NEK10: variants seen among roughly 807,000 people sequenced by gnomAD.
NEK10 encodes the protein NIMA related kinase 10.
Under a neutral mutation model 159.8 loss-of-function variants are expected in NEK10, and 122 were observed. That is an observed-to-expected ratio of 0.76 (90% CI 0.66 to 0.89). The LOEUF is 0.89. Ranked by LOEUF, NEK10 falls within the 40% of genes least tolerant of loss-of-function variation. The pLI is 0.00. For synonymous variants in NEK10, 466 were observed against 457.1 expected, an observed-to-expected ratio of 1.02 and a Z score of -0.25; for missense variants, 1,342 against 1,323.1, an observed-to-expected ratio of 1.01 and a Z score of -0.22.
At chr3:27,174,380 T>C in intron 28 of NEK10, 59 bp downstream of exon 28, 1 of 1,602,328 alleles carries the variant, frequency 6.2e-7, no homozygotes. Context: ...TCAAGTATGA[T>C]TTCCAAACCA....
chr3:27,278,770 C>A, intron 22 of NEK10: 1 of 985,258 alleles, frequency 1.0e-6, no homozygotes, highest in Non-Finnish European at 1.2e-6. Context: ...GTCAAGAAAT[C>A]TGGAATGGTG....
intron 23 of NEK10, among the ~76,000 whole-genome samples, chr3:27,224,832 C>G (rs1247265643): frequency 1.3e-5 from 2 of 152,042 alleles, no homozygotes; most frequent in Non-Finnish European, 2.9e-5. Context: ...TCTCATAGGA[C>G]CACCAAAAGT....
intron 23 of NEK10, among the ~76,000 whole-genome samples, chr3:27,248,366 A>G (rs1361569994): frequency 1.3e-5 from 2 of 151,690 alleles, no homozygotes; most frequent in Non-Finnish European, 2.9e-5. Flanking sequence ...TTGCTTTTAT[A>G]TCTGCTCTTT....
intron 30 of NEK10, among the ~76,000 whole-genome samples, chr3:27,145,625 A>C (rs891387968): frequency 6.6e-6 from 1 of 152,082 alleles, no homozygotes; most frequent in Non-Finnish European, 1.5e-5. Flanking sequence ...TGGGTGAGAA[A>C]CTGGGAGGTG....
chr3:27,138,507 T>C (rs1943453590), intron 31 of NEK10, among the ~76,000 whole-genome samples: 1 of 152,232 alleles, frequency 6.6e-6, no homozygotes, highest in South Asian at 2.1e-4. Context: ...GTGACTTCTT[T>C]TTGTGCTCTT....
chr3:27,159,180 G>A (rs1483603865), intron 30 of NEK10, among the ~76,000 whole-genome samples: 3 of 152,050 alleles, frequency 2.0e-5, no homozygotes, highest in Admixed American at 6.6e-5. Flanking sequence ...TTTCAGTATC[G>A]TGCAAGTATG....
intron 30 of NEK10, among the ~76,000 whole-genome samples, chr3:27,153,306 C>G (rs185666397): frequency 7.1e-6 from 1 of 141,754 alleles, no homozygotes; most frequent in Non-Finnish European, 1.5e-5. Flanking sequence ...GGCGACAGAG[C>G]GAGACTCCAT....
intron 10 of NEK10, 24 bp from the exon 11 acceptor site, chr3:27,307,969 A>T: frequency 8.8e-7 from 1 of 1,133,544 alleles, no homozygotes. Context: ...AATATTAGCA[A>T]TTACTAAAAG....
At chr3:27,214,202 C>T (rs1350516344) in intron 23 of NEK10, among the ~76,000 whole-genome samples, 1 of 152,184 alleles carries the variant, frequency 6.6e-6, no homozygotes, top group African/African-American at 2.4e-5. Context: ...GTATACCTTA[C>T]GTATGTTGAT....
Position 27,141,565 on chromosome 3 carries a change from C to G in NEK10, c.2887G>C (p.Val963Leu). ...ATCTGACGCACTTTCCTCTGGGACA[C>G]AGCAATTCCTGCTGATGCTGTGGGT... is the stretch of plus-strand genomic sequence containing the variant. ...RPRPASAGIA[V>L]SQRKVRQISD... Residue 963 changes from valine to leucine, a missense_variant, in exon 31 of 36, where the codon GTG becomes CTG. Physicochemically the swap from Val to Leu is conservative, Grantham distance 32. Coordinates refer to ENST00000691995, the MANE Select transcript of NEK10 (RefSeq NM_001394966.1). 1 of 1,613,106 alleles carries G rather than the reference C, an allele frequency of 6.2e-7. No homozygotes were observed. The highest frequency in any genetic ancestry group is 1.3e-5 in the African/African-American group (1 of 75,036).
chr3:27,328,741 G>A (rs2046194227), intron 5 of NEK10, among the ~76,000 whole-genome samples: 1 of 152,116 alleles, frequency 6.6e-6, no homozygotes, highest in African/African-American at 2.4e-5. Context: ...ATTCAACGTT[G>A]AGAACAGAGT....
intron 23 of NEK10, among the ~76,000 whole-genome samples, chr3:27,236,584 C>T (rs1037366689): frequency 2.6e-5 from 4 of 152,136 alleles, no homozygotes; most frequent in Non-Finnish European, 5.9e-5. Flanking sequence ...ACAGCTGGGC[C>T]TCCAGGGGGT....
At position 27,128,385 on chromosome 3, in the gene NEK10, G is replaced by A. The variant is rs534671221; in HGVS notation, c.3081+3495C>T. Among the ~76,000 whole-genome samples, 67 of 152,204 alleles carry A rather than the reference G, an allele frequency of 4.4e-4. 2 individuals carry two copies. In the South Asian group the frequency reaches 0.013, roughly 29 times the overall value. ...TGATTGTCCTTCTTGTGACATTAACGCCCATTGGTGATCATATCTAGGTGC... is the reference window on the plus strand; with the variant it reads ...TGATTGTCCTTCTTGTGACATTAACACCCATTGGTGATCATATCTAGGTGC... On this transcript the variant is annotated intron_variant, in intron 32 of 35. Coordinates refer to ENST00000691995, the MANE Select transcript of NEK10 (RefSeq NM_001394966.1).
chr3:27,326,939 A>T (rs1183052086), intron 5 of NEK10, among the ~76,000 whole-genome samples: 2 of 152,148 alleles, frequency 1.3e-5, no homozygotes, highest in African/African-American at 4.8e-5. Context: ...CTATACACAC[A>T]TATACACATA....
At chr3:27,114,632 T>C (rs2125409624) in intron 35 of NEK10, among the ~76,000 whole-genome samples, 1 of 152,304 alleles carries the variant, frequency 6.6e-6, no homozygotes, top group Non-Finnish European at 1.5e-5. Flanking sequence ...CTTAACAGGA[T>C]GTTCTTGAGC....
At chr3:27,327,895 G>A (rs750029984) in intron 5 of NEK10, among the ~76,000 whole-genome samples, 4 of 150,340 alleles carry the variant, frequency 2.7e-5, no homozygotes, top group Non-Finnish European at 5.9e-5. Context: ...CAATTTTTTT[G>A]GATAGCTGAA....
At chr3:27,296,894 A>G (rs2043392690) in intron 14 of NEK10, among the ~76,000 whole-genome samples, 1 of 152,178 alleles carries the variant, frequency 6.6e-6, no homozygotes, top group Non-Finnish European at 1.5e-5. Flanking sequence ...AATTAATGCA[A>G]TTCAGAGTAT....
chr3:27,158,854 G>A (rs1167693670), intron 30 of NEK10, among the ~76,000 whole-genome samples: 1 of 152,072 alleles, frequency 6.6e-6, no homozygotes, highest in African/African-American at 2.4e-5. Context: ...AAAAGAACAC[G>A]TTTCCTGTGT....
chr3:27,115,872 G>A (rs1193136543), intron 35 of NEK10, 68 bp downstream of exon 35: 2 of 1,136,136 alleles, frequency 1.8e-6, no homozygotes, highest in African/African-American at 1.6e-5. Context: ...AAAGGATAAA[G>A]AAATTAGATC....
Sources: gnomAD v4.1 joint callset for allele counts (sites outside exome capture counted in the v4.1 genomes callset) on GRCh38, gnomAD v4.1.1 for gene constraint, MANE v1.5 for transcripts, NCBI Gene and HGNC (gene_info 2026-07-23, HGNC 2026-07-21) for gene names.